Variants in TRIO observed in about 807,000 individuals in gnomAD.
TRIO encodes triple functional domain protein.
A neutral mutation model predicts 351.9 loss-of-function variants in TRIO; 58 were observed. That is an observed-to-expected ratio of 0.16 (90% CI 0.13 to 0.21). The LOEUF is 0.21. Ranked by LOEUF, TRIO falls within the 10% of genes least tolerant of loss-of-function variation. The pLI is 1.00. For missense variants in TRIO, 3,201 were observed against 4,027.8 expected (o/e 0.79, Z 5.56); for synonymous variants, 1,758 against 1,595.7 (o/e 1.10, Z -2.42).
chr5:14,183,272 G>T (rs1247228391), intron 1 of TRIO, among the ~76,000 whole-genome samples: 4 of 152,104 alleles, frequency 2.6e-5, no homozygotes, highest in African/African-American at 4.8e-5. Flanking sequence ...GACGTATGTT[G>T]TGCCCTTGGG....
intron 11 of TRIO, among the ~76,000 whole-genome samples, chr5:14,342,808 G>T (rs997743857): frequency 6.6e-6 from 1 of 152,040 alleles, no homozygotes; most frequent in East Asian, 1.9e-4. Flanking sequence ...TTAACTTAGG[G>T]GATTACATGC....
At chr5:14,500,969 A>G (rs1022621865) in intron 53 of TRIO, among the ~76,000 whole-genome samples, 2 of 150,464 alleles carry the variant, frequency 1.3e-5, no homozygotes, top group East Asian at 1.9e-4. Flanking sequence ...CCTGCCCACT[A>G]TGATGCTCTG....
intron 18 of TRIO, among the ~76,000 whole-genome samples, chr5:14,372,630 T>C (rs1745219117): frequency 6.6e-6 from 1 of 152,206 alleles, no homozygotes; most frequent in Non-Finnish European, 1.5e-5. Flanking sequence ...TGATCCTTTT[T>C]ATTTGCCATT....
intron 34 of TRIO, among the ~76,000 whole-genome samples, chr5:14,428,010 C>G (rs1260234386): frequency 6.6e-6 from 1 of 152,154 alleles, no homozygotes; most frequent in Non-Finnish European, 1.5e-5. Context: ...CCTTCTGAGG[C>G]CTCTAGCATT....
At chr5:14,266,145 G>T (rs943121786) in intron 1 of TRIO, among the ~76,000 whole-genome samples, 6 of 151,636 alleles carry the variant, frequency 4.0e-5, no homozygotes, top group Admixed American at 3.9e-4. Context: ...TGCACCCTTC[G>T]CCTCCTGGGT....
chr5:14,252,634 C>G (rs574613762), intron 1 of TRIO, among the ~76,000 whole-genome samples: 1 of 152,176 alleles, frequency 6.6e-6, no homozygotes, highest in Non-Finnish European at 1.5e-5. Flanking sequence ...TGAGACATCT[C>G]CTTTCAAACT....
Position 14,393,967 on chromosome 5 carries a change from T to C in TRIO, c.4219-71T>C, listed in dbSNP as rs933428514. 23 of 958,312 alleles carry C rather than the reference T, an allele frequency of 2.4e-5. No individual in the cohort carries two copies. In the South Asian group the frequency reaches 3.6e-4, roughly 15 times the overall value. 59.4% of individuals were successfully genotyped at this position (958,312 alleles called of 1,614,324 possible). On this transcript the variant is annotated intron_variant, in intron 27 of 56. Coordinates refer to ENST00000344204, the MANE Select transcript of TRIO (RefSeq NM_007118.4). Reference sequence around the variant, plus strand: ...TCAGGTACAGTATTTGGAAAAGTAATGTGTTTTATGGCCATGATTTAATAG... The same window carrying C: ...TCAGGTACAGTATTTGGAAAAGTAACGTGTTTTATGGCCATGATTTAATAG...
intron 2 of TRIO, among the ~76,000 whole-genome samples, chr5:14,275,884 G>T (rs1554046032): frequency 1.6e-5 from 2 of 122,346 alleles, no homozygotes; most frequent in African/African-American, 5.7e-5. Flanking sequence ...ATATATATAT[G>T]TTTATATATA....
intron 30 of TRIO, among the ~76,000 whole-genome samples, chr5:14,400,122 G>T (rs1046261308): frequency 2.6e-5 from 4 of 152,170 alleles, no homozygotes; most frequent in Non-Finnish European, 4.4e-5. Flanking sequence ...TTCTGTTTGA[G>T]ATCGTCTTTT....
At chr5:14,358,373 G>A (rs368617333) in intron 12 of TRIO, 26 bp downstream of exon 12, 43 of 1,609,278 alleles carry the variant, frequency 2.7e-5, no homozygotes, top group Middle Eastern at 1.7e-4. Context: ...CTCCTGGTCC[G>A]AACAGATTCT....
chr5:14,479,467 G>T (rs1246901413), intron 42 of TRIO, 117 bp downstream of exon 42: 3 of 821,284 alleles, frequency 3.7e-6, no homozygotes, highest in Non-Finnish European at 1.9e-6. Context: ...ATTAGCCTGA[G>T]TGATAAGACT....
chr5:14,180,100 C>CAAAA (rs70964542), intron 1 of TRIO, among the ~76,000 whole-genome samples: 1,845 of 27,720 alleles, frequency 0.067, 270 homozygotes, highest in Non-Finnish European at 0.093. Flanking sequence ...GACTCCTGCT[C>CAAAA]AAAAAAAAAA....
chr5:14,468,421 A>G (rs551174880), intron 37 of TRIO, among the ~76,000 whole-genome samples: 1 of 152,362 alleles, frequency 6.6e-6, no homozygotes, highest in African/African-American at 2.4e-5. Context: ...ACCAGGTTTC[A>G]TCCACATGGG....
chr5:14,246,304 C>G (rs1047536753), intron 1 of TRIO, among the ~76,000 whole-genome samples: 2 of 152,174 alleles, frequency 1.3e-5, no homozygotes, highest in Non-Finnish European at 2.9e-5. Flanking sequence ...AGGGGGAACT[C>G]TGGGGTTTAA....
intron 36 of TRIO, 30 bp downstream of exon 36, chr5:14,462,955 T>C: frequency 6.5e-7 from 1 of 1,532,812 alleles, no homozygotes; most frequent in Non-Finnish European, 8.7e-7. Flanking sequence ...GGGGAATCCA[T>C]GCCTGCCGTG....
At chr5:14,352,639 TGAATGA>T (rs1481917858) in intron 11 of TRIO, among the ~76,000 whole-genome samples, 1 of 152,210 alleles carries the variant, frequency 6.6e-6, no homozygotes, top group African/African-American at 2.4e-5. Flanking sequence ...TTCTCCAAAT[TGAATGA>T]GAATATTTCC....
At chr5:14,432,821 GC>G (rs1230737026) in intron 34 of TRIO, among the ~76,000 whole-genome samples, 5 of 152,144 alleles carry the variant, frequency 3.3e-5, no homozygotes, top group African/African-American at 1.2e-4. Flanking sequence ...ATCAAAATCA[GC>G]TGCTTGTTCT....
intron 43 of TRIO, among the ~76,000 whole-genome samples, chr5:14,480,565 G>A (rs541104909): frequency 6.6e-6 from 1 of 152,276 alleles, no homozygotes; most frequent in South Asian, 2.1e-4. Flanking sequence ...AAATTCTTAA[G>A]CATAACCGAA....
At chr5:14,460,983 C>T (rs1432111134) in intron 34 of TRIO, 36 bp from the exon 35 acceptor site, 3 of 1,505,180 alleles carry the variant, frequency 2.0e-6, no homozygotes, top group Non-Finnish European at 1.8e-6. Context: ...AGGGTCTGTG[C>T]GAGTCAGTGA....
Sources: allele counts gnomAD v4.1 joint callset (sites outside exome capture counted in the v4.1 genomes callset), GRCh38; gene constraint gnomAD v4.1.1; transcripts MANE v1.5; gene names NCBI Gene and HGNC (gene_info 2026-07-23, HGNC 2026-07-21).